CDPF1: variants seen among roughly 807,000 people sequenced by gnomAD.
The protein encoded by CDPF1 is cysteine rich DPF motif domain containing 1.
A neutral mutation model predicts 8.3 loss-of-function variants in CDPF1; 8 were observed. The observed-to-expected ratio is 0.96, with a 90% CI of 0.57 to 1.74. The LOEUF is 1.74. CDPF1 is among the 40% of genes most tolerant of loss of function. CDPF1 has a pLI of 0.00. For missense variants in CDPF1, 151 were observed against 155.3 expected (o/e 0.97, Z 0.15); for synonymous variants, 62 against 62.9 (o/e 0.99, Z 0.07).
chr22:46,244,769 C>T lies in CDPF1; in HGVS notation c.*323G>A. The T allele has an allele frequency of 3.4e-6, 1 of 295,272 alleles. No homozygotes were observed. Among genetic ancestry groups the T allele is most frequent in the Non-Finnish European group, 6.5e-6 (1 of 153,856 alleles). The allele number at this position is 295,272 out of a possible 1,614,324, so 18.3% of individuals were successfully genotyped here. A position where few individuals can be genotyped will look rare whatever the true frequency, so the allele number is the denominator to read the frequency against. On this transcript the variant is annotated 3_prime_UTR_variant, in exon 4 of 4. Transcript: ENST00000314567. This position sits in a 1 kb window ranked among gnomAD's most constrained non-coding sequence, Gnocchi z 6.7. The stretch of plus-strand genomic sequence containing the variant: ...CCTGCACGCAGCCTCTTAGGAGCTG[C>T]CCTGCTGAAGGAGGTCATCCCTCTC...
rs1936457875 is a variant in CDPF1, at chr22:46,244,710, C to A, written c.*382G>T. 3 of 227,444 alleles carry A rather than the reference C, an allele frequency of 1.3e-5. No homozygotes were observed. Among genetic ancestry groups the A allele is most frequent in the Non-Finnish European group, 2.6e-5 (3 of 113,600 alleles). The allele number at this position is 227,444 out of a possible 1,614,324, so 14.1% of individuals were successfully genotyped here. A position where few individuals can be genotyped will look rare whatever the true frequency, so the allele number is the denominator to read the frequency against. ...TGCAGCCACCTACAGTGCACCATGG[C>A]CCCGACACAGTGTGGCATCTCCCCC... On this transcript the variant is annotated 3_prime_UTR_variant, in exon 4 of 4. Transcript: ENST00000314567. This position sits in a 1 kb window ranked among gnomAD's most constrained non-coding sequence, Gnocchi z 6.7.
At position 46,246,304 on chromosome 22, in the gene CDPF1, C is replaced by T. The variant is rs1304388067; in HGVS notation, c.225+806G>A. Among the ~76,000 whole-genome samples the T allele has an allele frequency of 1.4e-5, 2 of 147,620 alleles. No individual in the cohort carries two copies. Among genetic ancestry groups the T allele is most frequent in the African/African-American group, 5.0e-5 (2 of 39,916 alleles). ...CAAGGCCAAGGTGTTGCATTCAAGA[C>T]CTCCACCTCCCCACCTGGCCCACCC... On this transcript the variant is annotated intron_variant, in intron 3 of 3. Transcript: ENST00000314567. The surrounding 1 kb of genome is among the most constrained non-coding windows in gnomAD (Gnocchi z 7.1).
chr22:46,248,368 C>A lies in CDPF1; in HGVS notation c.1-84G>T. The stretch of plus-strand genomic sequence containing the variant: ...CTTTCCCAGCTATGAAGACCCTAAC[C>A]ATATAGTCCTAGCACAGTTTCTTGC... On this transcript the variant is annotated intron_variant, in intron 1 of 3. Transcript: ENST00000314567. This position sits in a 1 kb window ranked among gnomAD's most constrained non-coding sequence, Gnocchi z 4.1. 2 of 828,938 alleles carry A rather than the reference C, an allele frequency of 2.4e-6. No homozygotes were observed. Among genetic ancestry groups the A allele is most frequent in the South Asian group, 1.5e-5 (1 of 66,640 alleles). 51.3% of individuals were successfully genotyped at this position (828,938 alleles called of 1,614,324 possible).
rs1936518094 is a variant in CDPF1 at position 46,248,015 on chromosome 22, C to G, written c.113+157G>C. ...GGAAGAGTCAGACCTCAAGCCTTGC[C>G]CAGGCCTCCAGAGATTACACCAGAA... On this transcript the variant is annotated intron_variant, in intron 2 of 3. Transcript: ENST00000314567. This position sits in a 1 kb window ranked among gnomAD's most constrained non-coding sequence, Gnocchi z 4.1. 6.6e-6 allele frequency among the ~76,000 whole-genome samples: 1 copy of G among 152,244 alleles called. No individual in the cohort carries two copies. Among genetic ancestry groups the G allele is most frequent in the South Asian group, 2.1e-4 (1 of 4,832 alleles).
At position 46,246,865 on chromosome 22, in the gene CDPF1, G is replaced by A; in HGVS notation, c.225+245C>T. Reference sequence around the variant, plus strand: ...GTCTGCACTGTTGGTGGGAAGGGGAGGAACCCTGAGGGGCCACTGGGGTGG... The same window carrying A: ...GTCTGCACTGTTGGTGGGAAGGGGAAGAACCCTGAGGGGCCACTGGGGTGG... On this transcript the variant is annotated intron_variant, in intron 3 of 3. Coordinates refer to ENST00000314567, the MANE Select transcript of CDPF1 (RefSeq NM_207327.5). This position sits in a 1 kb window ranked among gnomAD's most constrained non-coding sequence, Gnocchi z 7.1. The A allele has an allele frequency of 6.5e-7, 1 of 1,532,608 alleles. No homozygotes were observed. Among genetic ancestry groups the A allele is most frequent in the Non-Finnish European group, 8.8e-7 (1 of 1,137,290 alleles). 94.9% of individuals were successfully genotyped at this position (1,532,608 alleles called of 1,614,324 possible).
rs1039238414 is a variant in CDPF1 at position 46,244,621 on chromosome 22, C to G, written c.*471G>C. On this transcript the variant is annotated 3_prime_UTR_variant, in exon 4 of 4. Transcript: ENST00000314567. This position sits in a 1 kb window ranked among gnomAD's most constrained non-coding sequence, Gnocchi z 6.7. ...TATGAAATAAAAATTCTATCCCCCTCTAGACCTTCCAGACTGGGTCCAGAA... is the reference window on the plus strand; with the variant it reads ...TATGAAATAAAAATTCTATCCCCCTGTAGACCTTCCAGACTGGGTCCAGAA... The G allele has an allele frequency of 6.2e-6, 1 of 162,474 alleles. No homozygotes were observed. Among genetic ancestry groups the G allele is most frequent in the Non-Finnish European group, 1.4e-5 (1 of 73,932 alleles). 10.1% of individuals were successfully genotyped at this position (162,474 alleles called of 1,614,324 possible). A position where few individuals can be genotyped will look rare whatever the true frequency, so the allele number is the denominator to read the frequency against.
At position 46,247,293 on chromosome 22, in the gene CDPF1, C is replaced by T; in HGVS notation, c.114-72G>A. On this transcript the variant is annotated intron_variant, in intron 2 of 3. Transcript: ENST00000314567. This position sits in a 1 kb window ranked among gnomAD's most constrained non-coding sequence, Gnocchi z 4.3. ...TCGGAAAATCAGCCATGACCTATGG[C>T]CAGGCAGCAGCAGCCTGCACCTCTG... The T allele has an allele frequency of 9.5e-7, 1 of 1,051,560 alleles. No individual in the cohort carries two copies. The highest frequency in any genetic ancestry group is 2.0e-4 in the Middle Eastern group (1 of 5,022). 65.1% of individuals were successfully genotyped at this position (1,051,560 alleles called of 1,614,324 possible).
rs376467747 is a variant in CDPF1, at chr22:46,247,242, C to T, written c.114-21G>A. 17 of 1,532,758 alleles carry T rather than the reference C, an allele frequency of 1.1e-5. No homozygotes were observed. The highest frequency in any genetic ancestry group is 9.6e-5 in the African/African-American group (7 of 73,214). 94.9% of individuals were successfully genotyped at this position (1,532,758 alleles called of 1,614,324 possible). On this transcript the variant is annotated intron_variant, in intron 2 of 3. Transcript: ENST00000314567. The surrounding 1 kb of genome is among the most constrained non-coding windows in gnomAD (Gnocchi z 4.3). ...GGAGGCTGCAGGAGAGTGAATGCAG[C>T]GTCAGAACAGCCCAAATCTCTGCCG...
At position 46,245,073 on chromosome 22, in the gene CDPF1, G is replaced by T. The variant is rs1936465604; in HGVS notation, c.*19C>A. The T allele has an allele frequency of 1.9e-6, 3 of 1,613,692 alleles. No individual in the cohort carries two copies. Among genetic ancestry groups the T allele is most frequent in the Non-Finnish European group, 1.7e-6 (2 of 1,179,700 alleles). On this transcript the variant is annotated 3_prime_UTR_variant, in exon 4 of 4. Coordinates refer to ENST00000314567, the MANE Select transcript of CDPF1 (RefSeq NM_207327.5). The surrounding 1 kb of genome is among the most constrained non-coding windows in gnomAD (Gnocchi z 6.9). ...AGCTCTGTGCAGGGTGCCGCCCGAT[G>T]ACCTAGCCCCAGTTGCACTCACGTC...
chr22:46,245,188 C>T lies in CDPF1; in HGVS notation c.276G>A (p.Glu92=). 1 of 1,614,242 alleles carries T rather than the reference C, an allele frequency of 6.2e-7. No individual in the cohort carries two copies. The highest frequency in any genetic ancestry group is 1.3e-5 in the African/African-American group (1 of 75,064). ...TTTCCTGAGGAAAAGCATTGATGTT[C>T]TCCCGGACACAAGGGAGGCAGAATC... ...SKRFCLPCVR[E]NINAFPQEIR... is the part of the protein sequence containing the mutation. The change falls in exon 4 of 4, where the codon GAG becomes GAA. Residue 92 remains glutamate (E), a synonymous_variant. Coordinates refer to ENST00000314567, the MANE Select transcript of CDPF1 (RefSeq NM_207327.5). The surrounding 1 kb of genome is among the most constrained non-coding windows in gnomAD (Gnocchi z 6.9).
chr22:46,247,020 G>T lies in CDPF1; in HGVS notation c.225+90C>A. On this transcript the variant is annotated intron_variant, in intron 3 of 3. Coordinates refer to ENST00000314567, the MANE Select transcript of CDPF1 (RefSeq NM_207327.5). The surrounding 1 kb of genome is among the most constrained non-coding windows in gnomAD (Gnocchi z 4.3). ...CCATCTATAATGGGGTGAACCCGCT[G>T]CTCCCTCTCTCCCAGCCCTCCCTAC... The T allele has an allele frequency of 7.7e-7, 1 of 1,295,436 alleles. No homozygotes were observed. Among genetic ancestry groups the T allele is most frequent in the South Asian group, 1.3e-5 (1 of 76,766 alleles). The allele number at this position is 1,295,436 out of a possible 1,614,324, so 80.2% of individuals were successfully genotyped here. A position where few individuals can be genotyped will look rare whatever the true frequency, so the allele number is the denominator to read the frequency against.
rs970339324 is a variant in CDPF1, at chr22:46,245,661, C to T, written c.226-423G>A. On this transcript the variant is annotated intron_variant, in intron 3 of 3. Transcript: ENST00000314567. This position sits in a 1 kb window ranked among gnomAD's most constrained non-coding sequence, Gnocchi z 6.9. ...AGGACAGCCCCACAGACCAAAGACG[C>T]CATGGACGAGCCAGCTAGTCTGGGC... is the stretch of plus-strand genomic sequence containing the variant. Among the ~76,000 whole-genome samples, 1 of 152,230 alleles carries T rather than the reference C, an allele frequency of 6.6e-6. No individual in the cohort carries two copies. The highest frequency in any genetic ancestry group is 6.5e-5 in the Admixed American group (1 of 15,290).
rs1936549657 is a variant in CDPF1, at chr22:46,249,801, G to T, written c.-1+455C>A. Among the ~76,000 whole-genome samples the T allele has an allele frequency of 1.3e-5, 2 of 152,162 alleles. No homozygotes were observed. The highest frequency in any genetic ancestry group is 6.5e-5 in the Admixed American group (1 of 15,280). On this transcript the variant is annotated intron_variant, in intron 1 of 3. Coordinates refer to ENST00000314567, the MANE Select transcript of CDPF1 (RefSeq NM_207327.5). This position sits in a 1 kb window ranked among gnomAD's most constrained non-coding sequence, Gnocchi z 4.6. The stretch of plus-strand genomic sequence containing the variant: ...GCTGGGGGGGCGGAGGTTGCGGTGA[G>T]CCGAGATCGCGCCACTGCATTCCAG...
Position 46,246,881 on chromosome 22 carries a change from A to G in CDPF1, c.225+229T>C. 3 of 1,520,048 alleles carry G rather than the reference A, an allele frequency of 2.0e-6. No homozygotes were observed. Among genetic ancestry groups the G allele is most frequent in the Non-Finnish European group, 2.7e-6 (3 of 1,129,608 alleles). The allele number at this position is 1,520,048 out of a possible 1,614,324, so 94.2% of individuals were successfully genotyped here. A position where few individuals can be genotyped will look rare whatever the true frequency, so the allele number is the denominator to read the frequency against. ...GGAAGGGGAGGAACCCTGAGGGGCCACTGGGGTGGGTGCAGAGCCACCAAT... is the reference window on the plus strand; with the variant it reads ...GGAAGGGGAGGAACCCTGAGGGGCCGCTGGGGTGGGTGCAGAGCCACCAAT... On this transcript the variant is annotated intron_variant, in intron 3 of 3. Coordinates refer to ENST00000314567, the MANE Select transcript of CDPF1 (RefSeq NM_207327.5). This position sits in a 1 kb window ranked among gnomAD's most constrained non-coding sequence, Gnocchi z 7.1.
rs1046587400 is a variant in CDPF1 at position 46,249,135 on chromosome 22, A to G, written c.1-851T>C. On this transcript the variant is annotated intron_variant, in intron 1 of 3. Coordinates refer to ENST00000314567, the MANE Select transcript of CDPF1 (RefSeq NM_207327.5). The surrounding 1 kb of genome is among the most constrained non-coding windows in gnomAD (Gnocchi z 4.6). ...TTAGATTTCTGGCTAAATGGCTGCC[A>G]TCTGATGGGTTCATCAAAAGTTACA... Among the ~76,000 whole-genome samples the G allele has an allele frequency of 6.6e-6, 1 of 152,204 alleles. No homozygotes were observed. The highest frequency in any genetic ancestry group is 1.5e-5 in the Non-Finnish European group (1 of 68,028).
chr22:46,244,848 G>T lies in CDPF1; in HGVS notation c.*244C>A. The T allele has an allele frequency of 4.1e-6, 2 of 489,896 alleles. No individual in the cohort carries two copies. The highest frequency in any genetic ancestry group is 6.9e-5 in the Admixed American group (2 of 28,992). 30.3% of individuals were successfully genotyped at this position (489,896 alleles called of 1,614,324 possible). On this transcript the variant is annotated 3_prime_UTR_variant, in exon 4 of 4. Coordinates refer to ENST00000314567, the MANE Select transcript of CDPF1 (RefSeq NM_207327.5). The surrounding 1 kb of genome is among the most constrained non-coding windows in gnomAD (Gnocchi z 6.7). ...CCTGGGCCCTGAGGGGCATGTGGGG[G>T]GACCTGGCCGGGTTCCTGGCTGTGT... is the stretch of plus-strand genomic sequence containing the variant.
Position 46,248,378 on chromosome 22 carries a change from T to C in CDPF1, c.1-94A>G. The C allele has an allele frequency of 1.4e-6, 1 of 740,210 alleles. No individual in the cohort carries two copies. Among genetic ancestry groups the C allele is most frequent in the Non-Finnish European group, 2.3e-6 (1 of 435,372 alleles). The allele number at this position is 740,210 out of a possible 1,614,324, so 45.9% of individuals were successfully genotyped here. A position where few individuals can be genotyped will look rare whatever the true frequency, so the allele number is the denominator to read the frequency against. On this transcript the variant is annotated intron_variant, in intron 1 of 3. Transcript: ENST00000314567. The surrounding 1 kb of genome is among the most constrained non-coding windows in gnomAD (Gnocchi z 4.1). ...TATGAAGACCCTAACCATATAGTCC[T>C]AGCACAGTTTCTTGCCTCCCTACCG...
chr22:46,246,179 G>T lies in CDPF1; in HGVS notation c.225+931C>A, dbSNP rs985928326. 6.6e-6 allele frequency among the ~76,000 whole-genome samples: 1 copy of T among 152,186 alleles called. No homozygotes were observed. Among genetic ancestry groups the T allele is most frequent in the South Asian group, 2.1e-4 (1 of 4,828 alleles). On this transcript the variant is annotated intron_variant, in intron 3 of 3. Coordinates refer to ENST00000314567, the MANE Select transcript of CDPF1 (RefSeq NM_207327.5). This position sits in a 1 kb window ranked among gnomAD's most constrained non-coding sequence, Gnocchi z 7.1. ...AAAAGACCCTTCGCCATGGAGATCC[G>T]CTCACTAACAACCTACTGTTTAAAC... is the stretch of plus-strand genomic sequence containing the variant.
Position 46,249,662 on chromosome 22 carries a change from T to C in CDPF1, c.-1+594A>G, listed in dbSNP as rs182299047. 6.9e-6 allele frequency among the ~76,000 whole-genome samples: 1 copy of C among 144,370 alleles called. No individual in the cohort carries two copies. The highest frequency in any genetic ancestry group is 2.6e-5 in the African/African-American group (1 of 38,588). The allele number at this position is 144,370 out of a possible 152,430, so 94.7% of individuals were successfully genotyped here. A position where few individuals can be genotyped will look rare whatever the true frequency, so the allele number is the denominator to read the frequency against. Reference sequence around the variant, plus strand: ...AGACTCCTTCTCAAAAAAATAAAAATTAAAATTAAATAAAATAAAATATTA... The same window carrying C: ...AGACTCCTTCTCAAAAAAATAAAAACTAAAATTAAATAAAATAAAATATTA... On this transcript the variant is annotated intron_variant, in intron 1 of 3. Coordinates refer to ENST00000314567, the MANE Select transcript of CDPF1 (RefSeq NM_207327.5). This position sits in a 1 kb window ranked among gnomAD's most constrained non-coding sequence, Gnocchi z 4.6.
Sources: allele counts gnomAD v4.1 joint callset (sites outside exome capture counted in the v4.1 genomes callset), GRCh38; gene constraint gnomAD v4.1.1; non-coding constraint Gnocchi (gnomAD v3.1); transcripts MANE v1.5; gene names NCBI Gene and HGNC (gene_info 2026-07-23, HGNC 2026-07-21).